ZNF704: variants seen among roughly 807,000 people sequenced by gnomAD.
The protein encoded by ZNF704 is glucocorticoid induced gene 1.
ZNF704 carries 10 observed loss-of-function variants against 44.7 expected under a neutral mutation model. That is an observed-to-expected ratio of 0.22 (90% CI 0.14 to 0.38). The LOEUF (loss-of-function observed/expected upper bound fraction) is 0.38. Among genes scored for constraint, ZNF704 ranks in the 10% least tolerant of loss-of-function variants. The pLI is 1.00. For missense variants in ZNF704, 390 were observed against 545.5 expected (o/e 0.71, Z 2.84); for synonymous variants, 211 against 207.6 (o/e 1.02, Z -0.14).
chr8:80,847,901 A>G (rs1258378055), intron 1 of ZNF704, among the ~76,000 whole-genome samples: 1 of 152,242 alleles, frequency 6.6e-6, no homozygotes, highest in Non-Finnish European at 1.5e-5. Flanking sequence ...TGCACTTACC[A>G]TAAGATACAG....
chr8:80,831,483 A>T (rs1348543404), intron 1 of ZNF704, among the ~76,000 whole-genome samples: 3 of 152,242 alleles, frequency 2.0e-5, no homozygotes, highest in Non-Finnish European at 4.4e-5. Flanking sequence ...TGATTCATAA[A>T]TATGAGCTGA....
At chr8:80,775,649 CTTTAG>C (rs1807398258) in intron 2 of ZNF704, among the ~76,000 whole-genome samples, 1 of 152,074 alleles carries the variant, frequency 6.6e-6, no homozygotes, top group Non-Finnish European at 1.5e-5. Flanking sequence ...AAAATATTTT[CTTTAG>C]TTTACTTCTT....
intron 2 of ZNF704, among the ~76,000 whole-genome samples, chr8:80,749,306 C>T (rs893064078): frequency 3.3e-5 from 5 of 152,130 alleles, no homozygotes; most frequent in Non-Finnish European, 5.9e-5. Flanking sequence ...CCCTGCACCT[C>T]GCCCCACTTT....
At chr8:80,781,787 G>A (rs900876878) in intron 2 of ZNF704, among the ~76,000 whole-genome samples, 2 of 152,160 alleles carry the variant, frequency 1.3e-5, no homozygotes, top group African/African-American at 2.4e-5. Context: ...AAAATAAACT[G>A]AGGGCCATTG....
At chr8:80,777,644 C>T (rs536992707) in intron 2 of ZNF704, among the ~76,000 whole-genome samples, 5 of 152,062 alleles carry the variant, frequency 3.3e-5, no homozygotes, top group South Asian at 2.1e-4. Flanking sequence ...TTTGGGAGGC[C>T]GAGGTAGGCA....
intron 4 of ZNF704, among the ~76,000 whole-genome samples, chr8:80,680,324 T>C (rs1818433187): frequency 6.6e-6 from 1 of 152,132 alleles, no homozygotes; most frequent in Non-Finnish European, 1.5e-5. Flanking sequence ...AGCCTGGAGT[T>C]AACGTCATGT....
intron 7 of ZNF704, among the ~76,000 whole-genome samples, chr8:80,657,392 G>C (rs1443975656): frequency 6.6e-6 from 1 of 152,140 alleles, no homozygotes; most frequent in East Asian, 1.9e-4. Flanking sequence ...TCTGGTGAAA[G>C]AATAAATTAG....
chr8:80,726,792 C>CAA (rs1806488271), intron 2 of ZNF704, among the ~76,000 whole-genome samples: 1 of 151,828 alleles, frequency 6.6e-6, no homozygotes, highest in African/African-American at 2.4e-5. Context: ...CATCTAATGC[C>CAA]TTTACATCTT....
At chr8:80,687,171 A>T (rs1818551935) in intron 4 of ZNF704, 55 bp downstream of exon 4, 3 of 1,515,978 alleles carry the variant, frequency 2.0e-6, no homozygotes, top group Non-Finnish European at 2.7e-6. Flanking sequence ...TTCAGAGGGG[A>T]CAGAAAGCAC....
chr8:80,735,165 TAA>T (rs1806646138), intron 2 of ZNF704, among the ~76,000 whole-genome samples: 1 of 152,230 alleles, frequency 6.6e-6, no homozygotes, highest in Non-Finnish European at 1.5e-5. Context: ...CCACTTTATA[TAA>T]GTTAGTCATG....
chr8:80,775,289 G>C (rs915913454), intron 2 of ZNF704, among the ~76,000 whole-genome samples: 1 of 152,146 alleles, frequency 6.6e-6, no homozygotes, highest in Non-Finnish European at 1.5e-5. Context: ...AAGATTATGG[G>C]TTTTGTGAAT....
At chr8:80,833,457 T>C (rs1022033665) in intron 1 of ZNF704, among the ~76,000 whole-genome samples, 1 of 152,186 alleles carries the variant, frequency 6.6e-6, no homozygotes. Flanking sequence ...AGAACTCTAC[T>C]CCTTATTTTA....
chr8:80,703,255 GC>G (rs1427550604), intron 2 of ZNF704, among the ~76,000 whole-genome samples: 1 of 151,856 alleles, frequency 6.6e-6, no homozygotes, highest in Non-Finnish European at 1.5e-5. Flanking sequence ...CTTGGAACAA[GC>G]TTTCTTCTCT....
chr8:80,875,227 A>C (rs2130092666), upstream of ZNF704, among the ~76,000 whole-genome samples: 1 of 152,264 alleles, frequency 6.6e-6, no homozygotes, highest in South Asian at 2.1e-4. Flanking sequence ...GATAAAGAAA[A>C]TATATTTGCT....
chr8:80,761,494 A>C (rs1807130134), intron 2 of ZNF704, among the ~76,000 whole-genome samples: 2 of 152,200 alleles, frequency 1.3e-5, no homozygotes, highest in African/African-American at 2.4e-5. Flanking sequence ...TGAAATCCCC[A>C]AAAATCATAA....
chr8:80,654,311 A>C (rs1321528673), intron 7 of ZNF704, among the ~76,000 whole-genome samples: 1 of 152,220 alleles, frequency 6.6e-6, no homozygotes, highest in Non-Finnish European at 1.5e-5. Context: ...CACCAAAAGC[A>C]ATGGCAACAA....
rs529574442 is a variant in ZNF704 at position 80,782,810 on chromosome 8, C to G, written c.221+38564G>C. On this transcript the variant is annotated intron_variant, in intron 2 of 8. Transcript: ENST00000327835. Reference sequence around the variant, plus strand: ...GGATGCTTCCCACCCTCAAGGATACCAAAATCCTCACAAAATCCTCCTGTC... The same window carrying G: ...GGATGCTTCCCACCCTCAAGGATACGAAAATCCTCACAAAATCCTCCTGTC... Among the ~76,000 whole-genome samples the G allele has an allele frequency of 4.6e-5, 7 of 152,176 alleles. 1 individual carries two copies. The highest frequency in any genetic ancestry group is 1.4e-4 in the African/African-American group (6 of 41,534).
intron 2 of ZNF704, among the ~76,000 whole-genome samples, chr8:80,786,545 T>C (rs991353249): frequency 2.6e-5 from 4 of 152,222 alleles, no homozygotes; most frequent in Non-Finnish European, 2.9e-5. Flanking sequence ...GAAGAGACAG[T>C]CTGCAATTGC....
intron 2 of ZNF704, among the ~76,000 whole-genome samples, chr8:80,802,025 C>A (rs1807909597): frequency 6.6e-6 from 1 of 151,904 alleles, no homozygotes; most frequent in Non-Finnish European, 1.5e-5. Flanking sequence ...CATAAACAAC[C>A]ATCAGAGAAG....
Sources: allele counts gnomAD v4.1 joint callset (sites outside exome capture counted in the v4.1 genomes callset), GRCh38; gene constraint gnomAD v4.1.1; transcripts MANE v1.5; gene names NCBI Gene and HGNC (gene_info 2026-07-23, HGNC 2026-07-21).